The following DOCK8 variants were observed in gnomAD, a reference collection of about 807,000 sequenced individuals.
DOCK8 encodes the protein dedicator of cytokinesis protein 8.
In DOCK8, 141 loss-of-function variants were observed where a neutral mutation model predicts 245.6. The observed-to-expected ratio is 0.57, with a 90% CI of 0.50 to 0.66. DOCK8 has a LOEUF of 0.66. DOCK8 is among the 30% of genes least tolerant of loss of function. The probability of loss-of-function intolerance (pLI) is 0.00; values close to 1 mark genes in which losing one functional copy is unlikely to be tolerated. For missense variants in DOCK8, 2,965 were observed against 2,603.4 expected (o/e 1.14, Z -3.02); for synonymous variants, 1,168 against 970.2 (o/e 1.20, Z -3.79).
rs2129940836 is a variant in DOCK8, at chr9:271,696, C to T, written c.123C>T (p.Ser41=). The change falls in exon 2 of 48, where the codon AGC becomes AGT. Residue 41 remains serine (S), a synonymous_variant. Transcript: ENST00000432829. ...ACCTTGGCCAGTACCATCGACAGAGCATAAGTACCTCTGGCTTCCCCTCTC... is the reference window on the plus strand; with the variant it reads ...ACCTTGGCCAGTACCATCGACAGAGTATAAGTACCTCTGGCTTCCCCTCTC... ...PPNLGQYHRQ[S]ISTSGFPSLQ... 6.4e-7 allele frequency: 1 copy of T among 1,551,768 alleles called. No individual in the cohort carries two copies. Among genetic ancestry groups the T allele is most frequent in the African/African-American group, 1.4e-5 (1 of 73,162 alleles).
intron 18 of DOCK8, among the ~76,000 whole-genome samples, chr9:372,705 C>G (rs914571039): frequency 1.1e-4 from 16 of 152,190 alleles, no homozygotes; most frequent in African/African-American, 3.9e-4. Flanking sequence ...TATTCTCCTA[C>G]CAATCCCAAT....
Position 279,087 on chromosome 9 carries a change from G to C in DOCK8, c.156+7358G>C, listed in dbSNP as rs117587667. On this transcript the variant is annotated intron_variant, in intron 2 of 47. Transcript: ENST00000432829. ...ATATATTTCAGAAGAAAGTGGATAG[G>C]ATTTTCTGATGGGTGATATGTAGAG... 7.2e-3 allele frequency among the ~76,000 whole-genome samples: 1,096 copies of C among 152,304 alleles called. 10 individuals are homozygous for C. Among genetic ancestry groups the C allele is most frequent in the Non-Finnish European group, 0.012 (829 of 68,028 alleles).
At chr9:315,217 T>C (rs928469533) in intron 6 of DOCK8, among the ~76,000 whole-genome samples, 1 of 152,238 alleles carries the variant, frequency 6.6e-6, no homozygotes, top group Non-Finnish European at 1.5e-5. Flanking sequence ...TCTCTCATAC[T>C]GTCTCTTTCT....
At chr9:443,906 G>A (rs2131826576) in intron 43 of DOCK8, among the ~76,000 whole-genome samples, 1 of 152,266 alleles carries the variant, frequency 6.6e-6, no homozygotes, top group South Asian at 2.1e-4. Context: ...CAGACTTGAG[G>A]TCTGTTGCTT....
chr9:267,616 G>A (rs1162644627), intron 1 of DOCK8, among the ~76,000 whole-genome samples: 4 of 152,168 alleles, frequency 2.6e-5, no homozygotes, highest in Admixed American at 6.5e-5. Context: ...GATCCTTGTA[G>A]TATATTTCCA....
rs753215803 is a variant in DOCK8 at position 214,988 on chromosome 9, G to T, written c.12G>T (p.Leu4=). 4.4e-6 allele frequency: 7 copies of T among 1,599,236 alleles called. No homozygotes were observed. The highest frequency in any genetic ancestry group is 2.7e-5 in the African/African-American group (2 of 73,266). ...ACCGCCGGCGGGCCATGGCCACTCT[G>T]CCGAGCGCAGAGCGCCGCGCGTTCG... is the stretch of plus-strand genomic sequence containing the variant. MAT[L]PSAERRAFAL... Residue 4 remains leucine (L), a synonymous_variant, in exon 1 of 48, where the codon CTG becomes CTT. Transcript: ENST00000432829.
intron 1 of DOCK8, among the ~76,000 whole-genome samples, chr9:267,237 CT>C (rs1488951332): frequency 1.3e-5 from 2 of 152,222 alleles, no homozygotes; most frequent in Non-Finnish European, 2.9e-5. Flanking sequence ...CAGGGTCTCA[CT>C]TTGTCACCCA....
At chr9:292,110 C>T (rs971420505) in intron 4 of DOCK8, among the ~76,000 whole-genome samples, 2 of 144,474 alleles carry the variant, frequency 1.4e-5, no homozygotes, top group Admixed American at 7.0e-5. Context: ...GGTGCTCATG[C>T]CTGTAATCCC....
At chr9:329,085 G>A (rs901806256) in intron 9 of DOCK8, among the ~76,000 whole-genome samples, 3 of 151,502 alleles carry the variant, frequency 2.0e-5, no homozygotes, top group African/African-American at 2.4e-5. Context: ...GAGTAGCTGG[G>A]ATTATAGGAG....
In DOCK8 at chr9:452,115, G is replaced by T. The variant is rs773324998; in HGVS notation, c.6066G>T (p.Met2022Ile). 6.2e-7 allele frequency: 1 copy of T among 1,601,780 alleles called. No homozygotes were observed. The highest frequency in any genetic ancestry group is 8.5e-7 in the Non-Finnish European group (1 of 1,170,094). ...GGTTATGCTTTAAGGAATTCATCAT[G>T]AGGTAAGAAGGAAAATGGCTGGGAA... ...KLRLCFKEFI[M>I]RCGEAVEKNK... The change falls in exon 46 of 48, where the codon ATG (methionine) becomes ATT (isoleucine). Residue 2022 changes from methionine (M) to isoleucine (I), a missense_variant and splice_region_variant. Met to Ile is a conservative substitution (Grantham distance 10, BLOSUM62 1). Transcript: ENST00000432829.
At chr9:419,900 C>T (rs2056203159) in intron 30 of DOCK8, among the ~76,000 whole-genome samples, 1 of 152,236 alleles carries the variant, frequency 6.6e-6, no homozygotes, top group Non-Finnish European at 1.5e-5. Context: ...AGTTCATGAC[C>T]CTTATGTTAT....
chr9:270,892 G>C (rs1266395071), intron 1 of DOCK8, among the ~76,000 whole-genome samples: 2 of 152,184 alleles, frequency 1.3e-5, no homozygotes, highest in Non-Finnish European at 2.9e-5. Context: ...CGTGCTCTGA[G>C]TTCCAAACAA....
chr9:339,147 A>G (rs987122973), intron 13 of DOCK8, 48 bp downstream of exon 13: 11 of 1,472,596 alleles, frequency 7.5e-6, no homozygotes, highest in East Asian at 2.3e-5. Context: ...AAAACTGCTT[A>G]TCGTTAGACA....
chr9:391,821 C>CTTTTTT (rs373810616), intron 24 of DOCK8, among the ~76,000 whole-genome samples: 2 of 116,310 alleles, frequency 1.7e-5, no homozygotes, highest in Non-Finnish European at 3.6e-5. Context: ...TTAAGTGAAT[C>CTTTTTT]TTTTTTTTTT....
intron 33 of DOCK8, among the ~76,000 whole-genome samples, chr9:424,420 C>CT (rs1564051576): frequency 6.7e-6 from 1 of 148,448 alleles, no homozygotes; most frequent in Non-Finnish European, 1.5e-5. Flanking sequence ...TTTTTCTTTT[C>CT]TTTTTTTGAG....
rs749729496 is a variant in DOCK8 at position 407,047 on chromosome 9, G to A, written c.3508G>A (p.Ala1170Thr). ...TGLLFTELAA[A>T]LDAEGEGISK... The stretch of plus-strand genomic sequence containing the variant: ...GCTCCTCTTCACAGAACTGGCTGCT[G>A]CCCTGGATGCCGAAGGGGAAGGGTA... The change falls in exon 28 of 48, where the codon GCC becomes ACC. Residue 1170 changes from alanine to threonine, a missense_variant. Ala to Thr is a moderately conservative substitution (Grantham distance 58, BLOSUM62 0). This residue lies in a region of DOCK8 where 2,825 missense variants were observed against 2,453.5 expected (regional missense o/e 1.15). Transcript: ENST00000432829. 9 of 1,614,136 alleles carry A rather than the reference G, an allele frequency of 5.6e-6. No individual in the cohort carries two copies. Among genetic ancestry groups the A allele is most frequent in the East Asian group, 2.2e-5 (1 of 44,884 alleles).
chr9:433,299 G>T (rs999758798), intron 37 of DOCK8, among the ~76,000 whole-genome samples: 1 of 152,228 alleles, frequency 6.6e-6, no homozygotes, highest in Non-Finnish European at 1.5e-5. Context: ...TGGCAGAGGG[G>T]AACGGGGATA....
chr9:373,791 G>C lies in DOCK8; in HGVS notation c.2109+1505G>C, dbSNP rs892733766. ...AACTTCTCTCATCAAAGCCATCTAA[G>C]GGGCAATCCGAGTATGTCCACAGAC... On this transcript the variant is annotated intron_variant, in intron 18 of 47. Coordinates refer to ENST00000432829, the MANE Select transcript of DOCK8 (RefSeq NM_203447.4). Among the ~76,000 whole-genome samples the C allele has an allele frequency of 3.9e-5, 6 of 152,318 alleles. No individual in the cohort carries two copies. The East Asian group carries it at 1.2e-3, about 29-fold the overall frequency.
intron 39 of DOCK8, among the ~76,000 whole-genome samples, chr9:437,056 G>T (rs1455196336): frequency 1.3e-5 from 2 of 152,204 alleles, no homozygotes; most frequent in African/African-American, 4.8e-5. Context: ...TTATATTAAT[G>T]TGTATGAGTG....
Sources: allele counts gnomAD v4.1 joint callset (sites outside exome capture counted in the v4.1 genomes callset), GRCh38; gene constraint gnomAD v4.1.1; regional missense constraint gnomAD v4.1.1; transcripts MANE v1.5; gene names NCBI Gene and HGNC (gene_info 2026-07-23, HGNC 2026-07-21).